The following PTCH1 variants were observed in gnomAD, a reference collection of about 807,000 sequenced individuals.
PTCH1 encodes patched 1, also known as protein patched homolog 1.
PTCH1 carries 14 observed loss-of-function variants against 144.6 expected under a neutral mutation model. That is an observed-to-expected ratio of 0.10 (90% CI 0.06 to 0.15). The LOEUF (loss-of-function observed/expected upper bound fraction) is 0.15, where lower values mean the gene tolerates loss of function less well. Among genes scored for constraint, PTCH1 ranks in the 10% least tolerant of loss-of-function variants. The pLI is 1.00. For missense variants in PTCH1, 1,623 were observed against 1,948.3 expected, an observed-to-expected ratio of 0.83 and a Z score of 3.14; for synonymous variants, 833 against 793.6, an observed-to-expected ratio of 1.05 and a Z score of -0.83.
At chr9:95,450,193 G>T in intron 20 of PTCH1, 1 of 519,614 alleles carries the variant, frequency 1.9e-6, no homozygotes, top group Non-Finnish European at 3.5e-6. Flanking sequence ...AAAAAAATTA[G>T]TTTGTTAATT....
Position 95,469,086 on chromosome 9 carries a change from A to G in PTCH1, c.1915T>C (p.Tyr639His), listed in dbSNP as rs775023150. 6.2e-7 allele frequency: 1 copy of G among 1,613,988 alleles called. No homozygotes were observed. The highest frequency in any genetic ancestry group is 1.3e-5 in the African/African-American group (1 of 75,016). Residue 639 changes from tyrosine (Y) to histidine (H), a missense_variant, in exon 14 of 24, where the codon TAC becomes CAC. Physicochemically the swap from Tyr to His is moderately conservative, Grantham distance 83 (BLOSUM62 2). Transcript: ENST00000331920. ...CTGCTGTAGGGAGGTGGGGGGCTGT[A>G]GCGGGTATTGTCGTGTGTGTCGGTG... ...AYTDTHDNTR[Y>H]SPPPPYSSHS...
At chr9:95,454,312 G>A (rs1838731290) in intron 19 of PTCH1, among the ~76,000 whole-genome samples, 1 of 152,160 alleles carries the variant, frequency 6.6e-6, no homozygotes, top group Non-Finnish European at 1.5e-5. Context: ...ACCCCTGCAG[G>A]GAGTGTTGAA....
In PTCH1 at chr9:95,447,160, G is replaced by T; in HGVS notation, c.4096C>A (p.Gln1366Lys). 1 of 1,613,172 alleles carries T rather than the reference G, an allele frequency of 6.2e-7. No homozygotes were observed. Among genetic ancestry groups the T allele is most frequent in the Non-Finnish European group, 8.5e-7 (1 of 1,179,942 alleles). Residue 1366 changes from glutamine (Q) to lysine (K), a missense_variant, in exon 23 of 24, where the codon CAG (glutamine) becomes AAG (lysine). By Grantham distance (53) the Gln-to-Lys change is moderately conservative. This residue lies in a region of PTCH1 where 291 missense variants were observed against 287.4 expected (regional missense o/e 1.01). Coordinates refer to ENST00000331920, the MANE Select transcript of PTCH1 (RefSeq NM_000264.5). ...AMGSSVPGYC[Q>K]PITTVTASAS... Reference sequence around the variant, plus strand: ...GAAGCCGTCACAGTGGTGATGGGCTGGCAGTAGCCGGGCACGGAGCTGCCC... The same window carrying T: ...GAAGCCGTCACAGTGGTGATGGGCTTGCAGTAGCCGGGCACGGAGCTGCCC...
upstream of PTCH1, among the ~76,000 whole-genome samples, chr9:95,509,474 G>A (rs562609429): frequency 6.6e-6 from 1 of 152,246 alleles, no homozygotes; most frequent in African/African-American, 2.4e-5. Flanking sequence ...TCGGCTTCGG[G>A]GCAGCCTCTG....
chr9:95,511,208 C>G (rs978332051), upstream of PTCH1, among the ~76,000 whole-genome samples: 4 of 150,958 alleles, frequency 2.6e-5, no homozygotes, highest in Admixed American at 1.3e-4. Flanking sequence ...GCAGGGGGCC[C>G]GTCCGCCGGC....
chr9:95,494,494 C>T (rs1203359222), intron 2 of PTCH1: 3 of 961,672 alleles, frequency 3.1e-6, no homozygotes, highest in Non-Finnish European at 3.7e-6. Context: ...AGAGCACAGG[C>T]GGAAATGTCT....
At chr9:95,447,701 G>A (rs1405915290) in intron 22 of PTCH1, among the ~76,000 whole-genome samples, 1 of 152,204 alleles carries the variant, frequency 6.6e-6, no homozygotes, top group Admixed American at 6.5e-5. Flanking sequence ...TACTGCTGCT[G>A]CCCATAAATG....
chr9:95,477,457 G>A (rs2118300605), intron 10 of PTCH1, 90 bp downstream of exon 10: 1 of 1,554,792 alleles, frequency 6.4e-7, no homozygotes, highest in Non-Finnish European at 8.9e-7. Context: ...CGGTGAGAAG[G>A]ACACACAGCA....
intron 1 of PTCH1, among the ~76,000 whole-genome samples, chr9:95,515,725 G>A (rs1844333842): frequency 6.6e-6 from 1 of 152,180 alleles, no homozygotes; most frequent in African/African-American, 2.4e-5. Flanking sequence ...AGCCACCCAA[G>A]CGCCTGAATC....
At chr9:95,510,732 G>GAA (rs987142588), upstream of PTCH1, among the ~76,000 whole-genome samples, 1 of 146,602 alleles carries the variant, frequency 6.8e-6, no homozygotes, top group Non-Finnish European at 1.5e-5. Flanking sequence ...TATGTTCATT[G>GAA]AAAAAAAAAG....
chr9:95,448,700 A>G (rs1420636851), intron 22 of PTCH1, among the ~76,000 whole-genome samples: 1 of 151,966 alleles, frequency 6.6e-6, no homozygotes, highest in Non-Finnish European at 1.5e-5. Context: ...TTTAGAAAAT[A>G]TCACTCTCAA....
chr9:95,451,297 C>G (rs772772633), intron 20 of PTCH1: 6 of 152,220 alleles, frequency 3.9e-5, no homozygotes, highest in Non-Finnish European at 7.3e-5. Context: ...GAAGCATAAA[C>G]AGGCCAATTA....
Position 95,508,616 on chromosome 9 carries a change from C to CG in PTCH1, c.-256dup. On this transcript the variant is annotated 5_prime_UTR_variant, in exon 1 of 24. It introduces an in-frame stop codon into an upstream open reading frame of the 5' UTR. Coordinates refer to ENST00000331920, the MANE Select transcript of PTCH1 (RefSeq NM_000264.5). Reference sequence around the variant, plus strand: ...CTGCGCCTTCCATTGCCACATTGCGCGGGGGTCCCGAGGTCTCTGCGGCCG... The same window carrying CG: ...CTGCGCCTTCCATTGCCACATTGCGCGGGGGGTCCCGAGGTCTCTGCGGCCG... 1.5e-5 allele frequency: 15 copies of CG among 992,378 alleles called. No homozygotes were observed. The highest frequency in any genetic ancestry group is 1.8e-5 in the Non-Finnish European group (15 of 835,002). 61.5% of individuals were successfully genotyped at this position (992,378 alleles called of 1,614,324 possible).
intron 19 of PTCH1, among the ~76,000 whole-genome samples, 181 bp from the exon 20 acceptor site, chr9:95,453,801 T>A (rs778432897): frequency 6.6e-6 from 1 of 152,244 alleles, no homozygotes; most frequent in Non-Finnish European, 1.5e-5. Flanking sequence ...GACCTCTTCA[T>A]GACACTGGGT....
intron 12 of PTCH1, among the ~76,000 whole-genome samples, chr9:95,471,985 C>G (rs977438660): frequency 6.6e-6 from 1 of 152,142 alleles, no homozygotes. Flanking sequence ...TGTGGTGAGC[C>G]GAGATCGCAC....
intron 15 of PTCH1, among the ~76,000 whole-genome samples, chr9:95,464,681 T>C (rs986484832): frequency 6.6e-6 from 1 of 152,166 alleles, no homozygotes; most frequent in Non-Finnish European, 1.5e-5. Flanking sequence ...AACCATTATA[T>C]AGTTTTAGGA....
chr9:95,468,638 CG>C (rs1840256657), intron 14 of PTCH1, 112 bp downstream of exon 14: 7 of 1,379,708 alleles, frequency 5.1e-6, no homozygotes, highest in Non-Finnish European at 5.0e-6. Context: ...CATACTTAAA[CG>C]AAATTTTTTT....
chr9:95,516,747 G>A lies in PTCH1; in HGVS notation c.-276C>T. On this transcript the variant is annotated 5_prime_UTR_variant, in exon 1 of 23. Transcript: ENST00000430669. ...GAAAGTGTAAAAACCCCGGCGCGCT[G>A]GGCCGCCGGAGGCTTTCGGCGGAGT... 1 of 1,613,304 alleles carries A rather than the reference G, an allele frequency of 6.2e-7. No homozygotes were observed.
At chr9:95,493,784 T>C (rs1484223857) in intron 2 of PTCH1, among the ~76,000 whole-genome samples, 2 of 151,588 alleles carry the variant, frequency 1.3e-5, no homozygotes, top group Admixed American at 6.6e-5. Flanking sequence ...CACTGCCTCT[T>C]TTTTATAATC....
Sources: gnomAD v4.1 joint callset for allele counts (sites outside exome capture counted in the v4.1 genomes callset) on GRCh38, gnomAD v4.1.1 for gene constraint, gnomAD v4.1.1 regional missense constraint, MANE v1.5 for transcripts, NCBI Gene and HGNC (gene_info 2026-07-23, HGNC 2026-07-21) for gene names.